Variants in SYT9 observed in about 807,000 individuals in gnomAD.
SYT9 encodes synaptotagmin-9.
A neutral mutation model predicts 48.4 loss-of-function variants in SYT9; 22 were observed. That is an observed-to-expected ratio of 0.45 (90% CI 0.32 to 0.65). The LOEUF (loss-of-function observed/expected upper bound fraction) is 0.65, where lower values mean the gene tolerates loss of function less well. Among genes scored for constraint, SYT9 ranks in the 30% least tolerant of loss-of-function variants. The probability of loss-of-function intolerance (pLI) is 0.03; values close to 1 mark genes in which losing one functional copy is unlikely to be tolerated. For missense variants in SYT9, 577 were observed against 622.0 expected (o/e 0.93, Z 0.77); for synonymous variants, 265 against 245.0 (o/e 1.08, Z -0.76).
At chr11:7,351,245 A>G (rs1341573996) in intron 3 of SYT9, among the ~76,000 whole-genome samples, 1 of 152,220 alleles carries the variant, frequency 6.6e-6, no homozygotes, top group Admixed American at 6.5e-5. Context: ...ATATAAGAAG[A>G]GTATTATCTG....
chr11:7,310,542 G>C (rs1227686860), intron 2 of SYT9, among the ~76,000 whole-genome samples: 2 of 148,450 alleles, frequency 1.3e-5, no homozygotes, highest in Non-Finnish European at 3.0e-5. Flanking sequence ...CGGCTCCCAG[G>C]TTCACGCTGT....
chr11:7,420,884 G>A (rs1202236036), intron 6 of SYT9, among the ~76,000 whole-genome samples: 1 of 152,156 alleles, frequency 6.6e-6, no homozygotes. Flanking sequence ...AAAAGATCAA[G>A]ATTCTCTGCT....
chr11:7,447,826 T>G (rs1847963996), intron 6 of SYT9, among the ~76,000 whole-genome samples: 1 of 152,204 alleles, frequency 6.6e-6, no homozygotes, highest in African/African-American at 2.4e-5. Context: ...CTGAGGCCAT[T>G]GTGTAGGCCC....
chr11:7,251,911 G>A lies in SYT9; in HGVS notation c.-276G>A, dbSNP rs933522089. ...GAGCGCAAGCAGAGAGGCGCTCTGG[G>A]CTGTGCGGCACCGCCTCTCCTCGGT... On this transcript the variant is annotated 5_prime_UTR_variant, in exon 1 of 7. Transcript: ENST00000318881. 6 of 359,730 alleles carry A rather than the reference G, an allele frequency of 1.7e-5. No individual in the cohort carries two copies. Among genetic ancestry groups the A allele is most frequent in the African/African-American group, 1.1e-4 (5 of 47,048 alleles). The allele number at this position is 359,730 out of a possible 1,614,324, so 22.3% of individuals were successfully genotyped here.
chr11:7,344,032 G>A (rs1296523117), intron 3 of SYT9, among the ~76,000 whole-genome samples: 1 of 152,090 alleles, frequency 6.6e-6, no homozygotes, highest in Admixed American at 6.5e-5. Context: ...ACAACACATG[G>A]GAATTATGGG....
chr11:7,287,798 TA>T (rs1387622602), intron 1 of SYT9, among the ~76,000 whole-genome samples: 2 of 152,232 alleles, frequency 1.3e-5, no homozygotes, highest in Non-Finnish European at 2.9e-5. Context: ...GACAATGAGA[TA>T]ATGGCTCTCT....
chr11:7,302,560 C>CA (rs1193195665), intron 1 of SYT9, among the ~76,000 whole-genome samples: 1 of 152,010 alleles, frequency 6.6e-6, no homozygotes, highest in Non-Finnish European at 1.5e-5. Context: ...AAAATAGAAC[C>CA]AAAAAAGCAC....
At chr11:7,275,163 C>T (rs1848363900) in intron 1 of SYT9, among the ~76,000 whole-genome samples, 1 of 152,090 alleles carries the variant, frequency 6.6e-6, no homozygotes, top group Non-Finnish European at 1.5e-5. Context: ...AGCCCTGCTC[C>T]AGCAGATTCT....
intron 3 of SYT9, among the ~76,000 whole-genome samples, chr11:7,355,074 A>G (rs991697): frequency 0.28 from 42,082 of 152,162 alleles, 6,559 homozygotes; most frequent in Non-Finnish European, 0.35. Context: ...AAGGTCGACA[A>G]CCAAGATAAA....
chr11:7,418,119 A>C lies in SYT9; in HGVS notation c.1328A>C (p.Asp443Ala). 1 of 1,613,534 alleles carries C rather than the reference A, an allele frequency of 6.2e-7. No individual in the cohort carries two copies. Among genetic ancestry groups the C allele is most frequent in the Non-Finnish European group, 8.5e-7 (1 of 1,179,802 alleles). Reference protein sequence around the residue: ...DQIHLSIAVMDYDRVGHNEII... With the variant: ...DQIHLSIAVMAYDRVGHNEII... ...ATCCACTTGTCCATAGCAGTCATGGACTATGACCGGTGAGATACCTGGAAC... is the reference window on the plus strand; with the variant it reads ...ATCCACTTGTCCATAGCAGTCATGGCCTATGACCGGTGAGATACCTGGAAC... The change falls in exon 5 of 7, where the codon GAC (aspartate) becomes GCC (alanine). Residue 443 changes from aspartate (D) to alanine (A), a missense_variant. Transcript: ENST00000318881.
chr11:7,278,132 A>G (rs1033225764), intron 1 of SYT9, among the ~76,000 whole-genome samples: 23 of 152,252 alleles, frequency 1.5e-4, no homozygotes, highest in Admixed American at 1.2e-3. Context: ...TTCTACATCT[A>G]ATTGCCCTGG....
chr11:7,302,050 G>T lies in SYT9; in HGVS notation c.146-989G>T, dbSNP rs754062604. Among the ~76,000 whole-genome samples, 17 of 152,320 alleles carry T rather than the reference G, an allele frequency of 1.1e-4. 1 individual carries two copies. Among genetic ancestry groups the T allele is most frequent in the South Asian group, 6.2e-4 (3 of 4,820 alleles). ...ATGTCCCCTTACCACTTCATTGTGT[G>T]CCTGTTGACCTCCAGTGCAGCCTCT... On this transcript the variant is annotated intron_variant, in intron 1 of 6. Coordinates refer to ENST00000318881, the MANE Select transcript of SYT9 (RefSeq NM_175733.4).
intron 3 of SYT9, among the ~76,000 whole-genome samples, chr11:7,332,103 G>T (rs1427684257): frequency 6.6e-6 from 1 of 152,176 alleles, no homozygotes; most frequent in Non-Finnish European, 1.5e-5. Context: ...GCCCTCAAGT[G>T]AAACCCATAA....
intron 6 of SYT9, among the ~76,000 whole-genome samples, chr11:7,448,746 G>C (rs181617688): frequency 6.6e-6 from 1 of 152,152 alleles, no homozygotes; most frequent in Non-Finnish European, 1.5e-5. Context: ...GCCTTCAAAC[G>C]TCATTCTTTA....
intron 6 of SYT9, among the ~76,000 whole-genome samples, chr11:7,442,325 T>A (rs12293035): frequency 6.6e-6 from 1 of 152,106 alleles, no homozygotes; most frequent in African/African-American, 2.4e-5. Flanking sequence ...GTGGCCTGCT[T>A]TTGGCTCTCT....
chr11:7,271,875 C>T (rs1347660317), intron 1 of SYT9, among the ~76,000 whole-genome samples: 1 of 152,148 alleles, frequency 6.6e-6, no homozygotes, highest in Non-Finnish European at 1.5e-5. Flanking sequence ...CGCACCTGGC[C>T]TGTGCTTGGT....
chr11:7,240,185 A>G (rs1473040531), intron 1 of SYT9, among the ~76,000 whole-genome samples: 1 of 152,176 alleles, frequency 6.6e-6, no homozygotes, highest in African/African-American at 2.4e-5. Flanking sequence ...CAGAGGTCCA[A>G]GTGGTGAGCT....
At chr11:7,442,857 A>G (rs1847852891) in intron 6 of SYT9, among the ~76,000 whole-genome samples, 2 of 152,020 alleles carry the variant, frequency 1.3e-5, no homozygotes, top group Non-Finnish European at 2.9e-5. Context: ...TCCATTCAAA[A>G]AAAAAGTATT....
At chr11:7,339,829 C>T (rs771524037) in intron 3 of SYT9, among the ~76,000 whole-genome samples, 2 of 152,124 alleles carry the variant, frequency 1.3e-5, no homozygotes, top group Non-Finnish European at 2.9e-5. Context: ...GATGATTATG[C>T]ATCTTGGAGA....
Sources: allele counts gnomAD v4.1 joint callset (sites outside exome capture counted in the v4.1 genomes callset), GRCh38; gene constraint gnomAD v4.1.1; transcripts MANE v1.5; gene names NCBI Gene and HGNC (gene_info 2026-07-23, HGNC 2026-07-21).